PEAK1: variants seen among roughly 807,000 people sequenced by gnomAD.
The protein encoded by PEAK1 is pseudopodium enriched atypical kinase 1.
Under a neutral mutation model 124.7 loss-of-function variants are expected in PEAK1, and 54 were observed. That is an observed-to-expected ratio of 0.43 (90% confidence interval 0.35 to 0.54). PEAK1 has a LOEUF of 0.54. Among genes scored for constraint, PEAK1 ranks in the 20% least tolerant of loss-of-function variants. The pLI, the probability that PEAK1 is intolerant of heterozygous loss-of-function variation, is 0.01. For synonymous variants in PEAK1, 719 were observed against 760.0 expected, an observed-to-expected ratio of 0.95 and a Z score of 0.89; for missense variants, 2,046 against 2,134.5, an observed-to-expected ratio of 0.96 and a Z score of 0.82.
rs535397106 is a variant in PEAK1, at chr15:77,262,645, A to G, written c.-274-10119T>C. Reference sequence around the variant, plus strand: ...AGACCTACAAAGAGACTCCCACACAATAATAATGGGACACTTTAACACCCC... The same window carrying G: ...AGACCTACAAAGAGACTCCCACACAGTAATAATGGGACACTTTAACACCCC... On this transcript the variant is annotated intron_variant, in intron 5 of 9. Transcript: ENST00000682557. Among the ~76,000 whole-genome samples, 223 of 97,620 alleles carry G rather than the reference A, an allele frequency of 2.3e-3. 1 individual carries two copies. The highest frequency in any genetic ancestry group is 7.4e-3 in the African/African-American group (216 of 29,130). The allele number at this position is 97,620 out of a possible 152,430, so 64.0% of individuals were successfully genotyped here.
chr15:77,250,172 T>C (rs142532184), intron 6 of PEAK1, among the ~76,000 whole-genome samples: 99 of 134,990 alleles, frequency 7.3e-4, no homozygotes, highest in East Asian at 6.8e-3. Context: ...TATACATATA[T>C]ATGTATATGT....
intron 2 of PEAK1, among the ~76,000 whole-genome samples, chr15:77,357,864 A>G (rs111833995): frequency 0.023 from 3,448 of 152,198 alleles, 144 homozygotes; most frequent in African/African-American, 0.079. Flanking sequence ...TCTATTTCTA[A>G]TAAGCAAACT....
rs71143395 is a variant in PEAK1 at position 77,182,749 on chromosome 15, C to CAAAAAAAAAAAAA, written c.-114-722_-114-710dup. On this transcript the variant is annotated intron_variant, in intron 6 of 9. Transcript: ENST00000682557. Reference sequence around the variant, plus strand: ...TGGGTGACAGAGTGAGACCTTGTCTCAAAAAAAAAAAAAAAAAAAAGGCTG... The same window carrying CAAAAAAAAAAAAA: ...TGGGTGACAGAGTGAGACCTTGTCTCAAAAAAAAAAAAAAAAAAAAAAAAAAAAAAAAAGGCTG... 3.9e-3 allele frequency among the ~76,000 whole-genome samples: 255 copies of CAAAAAAAAAAAAA among 65,066 alleles called. 16 individuals carry two copies. Among genetic ancestry groups the CAAAAAAAAAAAAA allele is most frequent in the Non-Finnish European group, 4.9e-3 (180 of 36,510 alleles). The allele number at this position is 65,066 out of a possible 152,430, so 42.7% of individuals were successfully genotyped here.
intron 6 of PEAK1, among the ~76,000 whole-genome samples, chr15:77,251,786 G>A (rs1013753572): frequency 6.6e-6 from 1 of 152,114 alleles, no homozygotes; most frequent in Non-Finnish European, 1.5e-5. Context: ...AGAAGTTACC[G>A]CCTCTTTCCA....
At chr15:77,128,804 C>T (rs763064989) in intron 9 of PEAK1, among the ~76,000 whole-genome samples, 1 of 152,106 alleles carries the variant, frequency 6.6e-6, no homozygotes. Flanking sequence ...GAATCTCACC[C>T]ATATCTGATT....
intron 1 of PEAK1, among the ~76,000 whole-genome samples, chr15:77,380,458 G>GT (rs2069384430): frequency 6.6e-6 from 1 of 152,066 alleles, no homozygotes; most frequent in Non-Finnish European, 1.5e-5. Flanking sequence ...GTGGTCCACT[G>GT]TCAAAGAGAT....
At chr15:77,418,795 T>A in intron 1 of PEAK1, 1 of 985,316 alleles carries the variant, frequency 1.0e-6, no homozygotes, top group Non-Finnish European at 1.2e-6. Flanking sequence ...GTTCTCTGAC[T>A]ATACACATCA....
intron 2 of PEAK1, among the ~76,000 whole-genome samples, chr15:77,292,293 T>C (rs2063261533): frequency 6.6e-6 from 1 of 152,180 alleles, no homozygotes; most frequent in Admixed American, 6.5e-5. Flanking sequence ...TGTATTTCTG[T>C]TTAAAGACAC....
chr15:77,237,164 T>C (rs1167158646), intron 6 of PEAK1, among the ~76,000 whole-genome samples: 6 of 152,208 alleles, frequency 3.9e-5, no homozygotes, highest in Non-Finnish European at 8.8e-5. Context: ...ACACTGAAGA[T>C]ATTAGTTACT....
intron 1 of PEAK1, among the ~76,000 whole-genome samples, chr15:77,392,875 T>C (rs2070590754): frequency 6.6e-6 from 1 of 151,994 alleles, no homozygotes; most frequent in Non-Finnish European, 1.5e-5. Flanking sequence ...CTGAAGAGGG[T>C]AGGAAAGACA....
chr15:77,352,682 C>A, intron 2 of PEAK1: 1 of 949,432 alleles, frequency 1.1e-6, no homozygotes, highest in Non-Finnish European at 1.3e-6. Context: ...GAGTATTAAC[C>A]TGAAATTTTT....
intron 2 of PEAK1, chr15:77,333,070 C>T: frequency 2.0e-6 from 2 of 983,144 alleles, no homozygotes; most frequent in Non-Finnish European, 2.4e-6. Context: ...ATAAATATTC[C>T]TTCATATTTG....
chr15:77,408,343 G>A (rs1458782921), intron 1 of PEAK1, among the ~76,000 whole-genome samples: 1 of 150,786 alleles, frequency 6.6e-6, no homozygotes, highest in Non-Finnish European at 1.5e-5. Context: ...TAAGCTATGA[G>A]GATGCATAGG....
intron 6 of PEAK1, among the ~76,000 whole-genome samples, chr15:77,248,066 GT>G (rs202122726): frequency 7.3e-5 from 11 of 149,972 alleles, no homozygotes; most frequent in African/African-American, 2.7e-4. Context: ...TATTAATTTT[GT>G]TTTTTTTTGG....
At chr15:77,368,189 T>C (rs973375727) in intron 1 of PEAK1, among the ~76,000 whole-genome samples, 25 of 152,168 alleles carry the variant, frequency 1.6e-4, no homozygotes, top group Non-Finnish European at 2.8e-4. Flanking sequence ...TTTAAAAATG[T>C]TATGAGTTTT....
chr15:77,350,623 AAAAC>A, intron 2 of PEAK1: 2 of 985,018 alleles, frequency 2.0e-6, no homozygotes, highest in Non-Finnish European at 2.4e-6. Context: ...AAAAAAAAAA[AAAAC>A]AAGGCCCAGC....
intron 7 of PEAK1, among the ~76,000 whole-genome samples, chr15:77,162,330 C>T (rs1300518627): frequency 1.3e-5 from 2 of 151,596 alleles, no homozygotes; most frequent in African/African-American, 4.8e-5. Flanking sequence ...CCTATCTCTA[C>T]TAAAAATACA....
Position 77,370,765 on chromosome 15 carries a change from C to T in PEAK1, c.-665-5540G>A, listed in dbSNP as rs1413715430. 1.7e-5 allele frequency: 17 copies of T among 982,196 alleles called. No homozygotes were observed. The East Asian group carries it at 1.7e-3, about 99-fold the overall frequency. 60.8% of individuals were successfully genotyped at this position (982,196 alleles called of 1,614,324 possible). A position where few individuals can be genotyped will look rare whatever the true frequency, so the allele number is the denominator to read the frequency against. ...CAACACATCGAGCCAGGCACGGTGA[C>T]TCATGCCTGTAATCTCAACACTTTG... On this transcript the variant is annotated intron_variant, in intron 1 of 9. Coordinates refer to ENST00000682557, the MANE Select transcript of PEAK1 (RefSeq NM_001385026.1).
Position 77,180,951 on chromosome 15 carries a change from C to A in PEAK1, c.976G>T (p.Val326Phe), listed in dbSNP as rs2057228258. 1.2e-6 allele frequency: 2 copies of A among 1,613,986 alleles called. No individual in the cohort carries two copies. The highest frequency in any genetic ancestry group is 1.7e-6 in the Non-Finnish European group (2 of 1,180,030). Residue 326 changes from valine to phenylalanine, a missense_variant, in exon 7 of 10, where the codon GTC becomes TTC. Coordinates refer to ENST00000682557, the MANE Select transcript of PEAK1 (RefSeq NM_001385026.1). ...ILNGYEENSV[V>F]SYGQGSIQSM... ...TGAATGCTTCCTTGTCCATAAGAGA[C>A]CACAGAATTTTCCTCATAACCATTC...
Sources: gnomAD v4.1 joint callset for allele counts (sites outside exome capture counted in the v4.1 genomes callset) on GRCh38, gnomAD v4.1.1 for gene constraint, MANE v1.5 for transcripts, NCBI Gene and HGNC (gene_info 2026-07-23, HGNC 2026-07-21) for gene names.